CHD1: variants seen among roughly 807,000 people sequenced by gnomAD.
The protein encoded by CHD1 is chromodomain helicase DNA binding protein 1.
CHD1 carries 36 observed loss-of-function variants against 224.2 expected under a neutral mutation model. The observed-to-expected ratio is 0.16, with a 90% CI of 0.12 to 0.21. The LOEUF (loss-of-function observed/expected upper bound fraction) is 0.21, where lower values mean the gene tolerates loss of function less well. Ranked by LOEUF, CHD1 falls within the 10% of genes least tolerant of loss-of-function variation. The probability of loss-of-function intolerance (pLI) is 1.00; values close to 1 mark genes in which losing one functional copy is unlikely to be tolerated. For missense variants in CHD1, 1,378 were observed against 1,994.8 expected, an observed-to-expected ratio of 0.69 and a Z score of 5.89; for synonymous variants, 668 against 658.3, an observed-to-expected ratio of 1.01 and a Z score of -0.23.
At chr5:98,903,504 A>G (rs2112540186) in intron 4 of CHD1, among the ~76,000 whole-genome samples, 1 of 151,806 alleles carries the variant, frequency 6.6e-6, no homozygotes, top group East Asian at 1.9e-4. Context: ...GTGTAGGTGC[A>G]TATCACATTT....
chr5:98,913,480 A>G (rs1430684180), intron 2 of CHD1, among the ~76,000 whole-genome samples: 1 of 152,162 alleles, frequency 6.6e-6, no homozygotes, highest in Non-Finnish European at 1.5e-5. Context: ...CTCTTAAAAA[A>G]AGGGGAGGCA....
chr5:98,916,990 T>C (rs1000594911), intron 2 of CHD1, among the ~76,000 whole-genome samples: 3 of 152,146 alleles, frequency 2.0e-5, no homozygotes, highest in African/African-American at 7.2e-5. Context: ...AAAACAGTAT[T>C]ACAGAAGTAA....
In CHD1 at chr5:98,858,161, A is replaced by C; in HGVS notation, c.4787+19T>G. 6.2e-7 allele frequency: 1 copy of C among 1,607,376 alleles called. No homozygotes were observed. Among genetic ancestry groups the C allele is most frequent in the Non-Finnish European group, 8.5e-7 (1 of 1,175,196 alleles). Reference sequence around the variant, plus strand: ...AAAACATGCATAAGCAAAATTTCTAAAGTGACTGCCAAGTTTACCTGCTGT... The same window carrying C: ...AAAACATGCATAAGCAAAATTTCTACAGTGACTGCCAAGTTTACCTGCTGT... On this transcript the variant is annotated intron_variant, in intron 35 of 35. Transcript: ENST00000614616.
At chr5:98,871,333 C>T (rs1249239014) in intron 28 of CHD1, among the ~76,000 whole-genome samples, 1 of 49,786 alleles carries the variant, frequency 2.0e-5, no homozygotes, top group Non-Finnish European at 3.5e-5. Flanking sequence ...ACAGGATAAA[C>T]AATAAGGAAG....
chr5:98,928,145 C>T (rs1753608248), intron 1 of CHD1, among the ~76,000 whole-genome samples: 1 of 152,058 alleles, frequency 6.6e-6, no homozygotes, highest in Admixed American at 6.5e-5. Flanking sequence ...GCAGACCCGC[C>T]CCGCGCCCTC....
intron 28 of CHD1, among the ~76,000 whole-genome samples, chr5:98,871,369 C>CAAAAAAAAAAAAAAAAAAAAAA (rs61406690): frequency 2.1e-5 from 1 of 46,796 alleles, no homozygotes; most frequent in African/African-American, 1.1e-4. Flanking sequence ...CCATTTTAGG[C>CAAAAAAAAAAAAAAAAAAAAAA]AAAAAAAAAA....
intron 5 of CHD1, among the ~76,000 whole-genome samples, chr5:98,902,121 C>T (rs969526096): frequency 2.0e-5 from 3 of 151,634 alleles, no homozygotes; most frequent in Admixed American, 6.6e-5. Flanking sequence ...AAAAAGTTTC[C>T]GTTGTGTATT....
At chr5:98,903,361 GCA>G (rs746336201) in intron 4 of CHD1, among the ~76,000 whole-genome samples, 18 of 151,170 alleles carry the variant, frequency 1.2e-4, no homozygotes, top group African/African-American at 4.2e-4. Flanking sequence ...ATGCATGCTT[GCA>G]CACACACACA....
At chr5:98,901,800 G>C (rs1180676944) in intron 5 of CHD1, among the ~76,000 whole-genome samples, 1 of 150,050 alleles carries the variant, frequency 6.7e-6, no homozygotes, top group Non-Finnish European at 1.5e-5. Context: ...TTCAATCTGA[G>C]TACCTTACCT....
chr5:98,862,487 A>G (rs778536689), intron 32 of CHD1, among the ~76,000 whole-genome samples: 13 of 152,364 alleles, frequency 8.5e-5, no homozygotes, highest in Non-Finnish European at 1.8e-4. Context: ...CCCTTTCCTT[A>G]TAACAAACCG....
chr5:98,899,856 C>T, intron 7 of CHD1, 151 bp from the exon 8 acceptor site: 2 of 580,974 alleles, frequency 3.4e-6, no homozygotes, highest in East Asian at 2.9e-5. Context: ...TTCTATTGCT[C>T]ATAAATAAAA....
chr5:98,891,572 A>G (rs1159943957), intron 15 of CHD1, among the ~76,000 whole-genome samples: 1 of 152,018 alleles, frequency 6.6e-6, no homozygotes, highest in African/African-American at 2.4e-5. Flanking sequence ...GCACTTTGGA[A>G]GGCTGAGGCG....
At position 98,883,828 on chromosome 5, in the gene CHD1, TATATATA is replaced by T. The variant is rs1314744844; in HGVS notation, c.2569-598_2569-592del. 2.2e-4 allele frequency: 10 copies of T among 45,504 alleles called. 1 individual carries two copies. The highest frequency in any genetic ancestry group is 1.7e-4 in the Non-Finnish European group (5 of 29,378). The allele number at this position is 45,504 out of a possible 1,614,324, so 2.8% of individuals were successfully genotyped here. On this transcript the variant is annotated intron_variant, in intron 18 of 35. Transcript: ENST00000614616. ...AACCTAGATGGGATTGGAGACTAAA[TATATATA>T]TATATATATATATATATATATATAT...
Position 98,892,666 on chromosome 5 carries a change from T to C in CHD1, c.2039A>G (p.Glu680Gly). The C allele has an allele frequency of 6.2e-7, 1 of 1,611,990 alleles. No homozygotes were observed. The highest frequency in any genetic ancestry group is 8.5e-7 in the Non-Finnish European group (1 of 1,178,616). Residue 680 changes from glutamate to glycine, a missense_variant, in exon 15 of 36, where the codon GAA becomes GGA. Coordinates refer to ENST00000614616, the MANE Select transcript of CHD1 (RefSeq NM_001270.4). Reference sequence around the variant, plus strand: ...CTTGTGAAGGCTTGCATAACCATATTCTCTCCCTTTGCCATGTTCTTCTTC... The same window carrying C: ...CTTGTGAAGGCTTGCATAACCATATCCTCTCCCTTTGCCATGTTCTTCTTC... ...DFEEEHGKGREYGYASLHKEL... is the reference protein window; with the variant it reads ...DFEEEHGKGRGYGYASLHKEL...
intron 35 of CHD1, among the ~76,000 whole-genome samples, chr5:98,857,335 GACAC>G (rs1002745046): frequency 6.6e-6 from 1 of 151,970 alleles, no homozygotes; most frequent in Admixed American, 6.6e-5. Flanking sequence ...TTTCCAAACT[GACAC>G]ACACACAACT....
chr5:98,875,653 G>T (rs998146994), intron 24 of CHD1, among the ~76,000 whole-genome samples: 3 of 152,174 alleles, frequency 2.0e-5, no homozygotes, highest in African/African-American at 7.2e-5. Flanking sequence ...CAGCAATTCA[G>T]GTGGTCATGA....
chr5:98,894,278 C>T (rs1370904446), intron 13 of CHD1, among the ~76,000 whole-genome samples: 1 of 152,184 alleles, frequency 6.6e-6, no homozygotes, highest in African/African-American at 2.4e-5. Flanking sequence ...AAAGAGCTTA[C>T]AAATCAATAC....
intron 8 of CHD1, among the ~76,000 whole-genome samples, 172 bp from the exon 9 acceptor site, chr5:98,898,936 A>G (rs1311899067): frequency 6.6e-6 from 1 of 152,182 alleles, no homozygotes; most frequent in East Asian, 1.9e-4. Flanking sequence ...ATTTTTAACT[A>G]AAAATTTGTA....
chr5:98,901,859 T>C (rs1240693214), intron 5 of CHD1, among the ~76,000 whole-genome samples: 4 of 152,024 alleles, frequency 2.6e-5, no homozygotes, highest in African/African-American at 9.7e-5. Flanking sequence ...AATCAACATG[T>C]AGAGAAAAAT....
Sources: gnomAD v4.1 joint callset for allele counts (sites outside exome capture counted in the v4.1 genomes callset) on GRCh38, gnomAD v4.1.1 for gene constraint, MANE v1.5 for transcripts, NCBI Gene and HGNC (gene_info 2026-07-23, HGNC 2026-07-21) for gene names.